The following MYO7A variants were observed in gnomAD, a reference collection of about 807,000 sequenced individuals.
The protein encoded by MYO7A is unconventional myosin-VIIa.
MYO7A carries 210 observed loss-of-function variants against 263.8 expected under a neutral mutation model. The observed-to-expected ratio is 0.80, with a 90% confidence interval of 0.71 to 0.89. The LOEUF is 0.89. Among genes scored for constraint, MYO7A ranks in the 40% least tolerant of loss-of-function variants. The pLI is 0.00. For synonymous variants in MYO7A, 1,239 were observed against 1,197.3 expected, an observed-to-expected ratio of 1.03 and a Z score of -0.72; for missense variants, 2,820 against 2,968.3, an observed-to-expected ratio of 0.95 and a Z score of 1.16.
At chr11:77,207,176 A>T in intron 41 of MYO7A, 113 bp from the exon 42 acceptor site, 1 of 665,102 alleles carries the variant, frequency 1.5e-6, no homozygotes, top group Non-Finnish European at 2.6e-6. Context: ...TGCCCACAGG[A>T]GGGTGTCTGG....
chr11:77,139,053 G>A (rs1591184481), intron 2 of MYO7A, among the ~76,000 whole-genome samples: 1 of 152,240 alleles, frequency 6.6e-6, no homozygotes, highest in Non-Finnish European at 1.5e-5. Context: ...TGATGCCTGG[G>A]AGGAAGGAGG....
rs372050452 is a variant in MYO7A, at chr11:77,184,596, G to A, written c.3384G>A (p.Lys1128=). Residue 1128 remains lysine, a synonymous_variant, in exon 27 of 49, where the codon AAG becomes AAA. Transcript: ENST00000409709. ...CTCTCCCTCTGGCCCAGGTGACCAAGAGGCTGCATGACGGGGAGTCCACAG... is the reference window on the plus strand; with the variant it reads ...CTCTCCCTCTGGCCCAGGTGACCAAAAGGCTGCATGACGGGGAGTCCACAG... The part of the protein sequence containing the change: ...KKSKLTEEVT[K]RLHDGESTVQ... 9 of 1,564,128 alleles carry A rather than the reference G, an allele frequency of 5.8e-6. No homozygotes were observed. The highest frequency in any genetic ancestry group is 1.9e-5 in the Admixed American group (1 of 52,404).
At chr11:77,160,038 G>T in intron 10 of MYO7A, 125 bp from the exon 11 acceptor site, 1 of 1,402,348 alleles carries the variant, frequency 7.1e-7, no homozygotes, top group Non-Finnish European at 9.5e-7. Context: ...GTGGGCCCTG[G>T]GGCAGGCGTG....
intron 28 of MYO7A, 72 bp downstream of exon 28, chr11:77,189,542 T>C (rs781878657): frequency 1.9e-5 from 30 of 1,585,910 alleles, no homozygotes; most frequent in Non-Finnish European, 2.6e-5. Context: ...GGGAGAGCAA[T>C]AGCCAGGGGC....
chr11:77,192,167 CAA>C lies in MYO7A; in HGVS notation c.4043_4044del (p.Lys1348ArgfsTer35). 1 of 1,614,024 alleles carries C rather than the reference CAA, an allele frequency of 6.2e-7. No individual in the cohort carries two copies. Among genetic ancestry groups the C allele is most frequent in the African/African-American group, 1.3e-5 (1 of 75,070 alleles). ...ACGCCCCCTGGAGGCTCTTCTTCCGCAAAGAGGTCTTCACGCCCTGGCACAGC... is the reference window on the plus strand; with the variant it reads ...ACGCCCCCTGGAGGCTCTTCTTCCGCAGAGGTCTTCACGCCCTGGCACAGC... The part of the protein sequence containing the change: ...RNAPWRLFFR[K>X]EVFTPWHSPS... On this transcript the variant is annotated frameshift_variant, in exon 31 of 49. Transcript: ENST00000409709. LOFTEE classifies it high-confidence loss of function.
At chr11:77,185,120 T>C (rs1162897377) in intron 27 of MYO7A, 14 of 361,636 alleles carry the variant, frequency 3.9e-5, no homozygotes, top group African/African-American at 2.1e-4. Context: ...AAAATGCTAA[T>C]GGTCATCTGA....
chr11:77,189,995 G>A (rs770402924), intron 28 of MYO7A, 25 bp from the exon 29 acceptor site: 15 of 1,501,172 alleles, frequency 1.0e-5, no homozygotes, highest in Admixed American at 4.5e-5. Context: ...CCCAGGGGCC[G>A]CCTCAGCGGG....
chr11:77,147,110 C>T (rs1555054071), intron 3 of MYO7A, among the ~76,000 whole-genome samples: 2 of 152,134 alleles, frequency 1.3e-5, no homozygotes, highest in Non-Finnish European at 2.9e-5. Flanking sequence ...GGGTCCCCTT[C>T]TCCCCATCAC....
chr11:77,212,650 G>A (rs1390384266), intron 46 of MYO7A: 4 of 474,494 alleles, frequency 8.4e-6, no homozygotes, highest in South Asian at 4.8e-5. Context: ...TTGGCTGTGC[G>A]AGGAGAACAG....
At chr11:77,186,872 C>A (rs1203987837) in intron 27 of MYO7A, among the ~76,000 whole-genome samples, 1 of 152,224 alleles carries the variant, frequency 6.6e-6, no homozygotes, top group Non-Finnish European at 1.5e-5. Context: ...TCTCGGCTTT[C>A]AACATGCTTT....
rs782819675 is a variant in MYO7A, at chr11:77,172,738, G to A, written c.1798-10G>A. The A allele has an allele frequency of 8.1e-5, 126 of 1,552,590 alleles. No individual in the cohort carries two copies. Among genetic ancestry groups the A allele is most frequent in the South Asian group, 3.1e-4 (26 of 84,110 alleles). Reference sequence around the variant, plus strand: ...ACAGCCCCTCCCATCGCTGCCGTCCGTCCCCCCAGGGCGCCGAGACCAGGA... The same window carrying A: ...ACAGCCCCTCCCATCGCTGCCGTCCATCCCCCCAGGGCGCCGAGACCAGGA... On this transcript the variant is annotated splice_polypyrimidine_tract_variant and intron_variant, in intron 15 of 48. Transcript: ENST00000409709.
intron 22 of MYO7A, among the ~76,000 whole-genome samples, chr11:77,181,029 C>T (rs1447862109): frequency 3.3e-5 from 5 of 152,210 alleles, no homozygotes; most frequent in Admixed American, 6.5e-5. Context: ...CTTTTTAAAA[C>T]GTGGCTACTA....
intron 20 of MYO7A, 59 bp downstream of exon 20, chr11:77,179,188 C>A: frequency 6.8e-7 from 1 of 1,479,554 alleles, no homozygotes; most frequent in Non-Finnish European, 9.2e-7. Flanking sequence ...GCCTTGCTGC[C>A]ATGGCAGTGG....
chr11:77,155,005 T>C (rs1251938403), intron 4 of MYO7A, among the ~76,000 whole-genome samples: 10 of 152,176 alleles, frequency 6.6e-5, no homozygotes, highest in African/African-American at 2.4e-4. Flanking sequence ...TCACCTCCCC[T>C]GGACATCTTT....
intron 12 of MYO7A, among the ~76,000 whole-genome samples, chr11:77,161,337 A>G (rs1952978568): frequency 6.6e-6 from 1 of 151,992 alleles, no homozygotes; most frequent in African/African-American, 2.4e-5. Context: ...GGCTGTACGC[A>G]TCCTGAACAC....
chr11:77,199,918 G>T, intron 35 of MYO7A, 100 bp downstream of exon 35: 1 of 1,210,198 alleles, frequency 8.3e-7, no homozygotes, highest in East Asian at 2.6e-5. Context: ...ACTGGAGGCT[G>T]GGAGATTTAT....
At chr11:77,166,263 C>T in intron 15 of MYO7A, 101 bp downstream of exon 15, 1 of 998,328 alleles carries the variant, frequency 1.0e-6, no homozygotes, top group Non-Finnish European at 1.6e-6. Context: ...AGCCCCCTGG[C>T]CACATAATGG....
intron 38 of MYO7A, among the ~76,000 whole-genome samples, 161 bp from the exon 39 acceptor site, chr11:77,203,915 C>T (rs907304976): frequency 2.2e-4 from 34 of 152,152 alleles, no homozygotes; most frequent in African/African-American, 7.9e-4. Context: ...TGTGAGGAGG[C>T]GGAGAGAGGG....
At chr11:77,156,145 C>G in intron 5 of MYO7A, 54 bp downstream of exon 5, 1 of 1,576,724 alleles carries the variant, frequency 6.3e-7, no homozygotes, top group Non-Finnish European at 8.6e-7. Flanking sequence ...AGAGCTCCAA[C>G]TGTGCGCTCC....
Sources: allele counts gnomAD v4.1 joint callset (sites outside exome capture counted in the v4.1 genomes callset), GRCh38; gene constraint gnomAD v4.1.1; transcripts MANE v1.5; gene names NCBI Gene and HGNC (gene_info 2026-07-23, HGNC 2026-07-21).